CADM1: variants seen among roughly 807,000 people sequenced by gnomAD.
CADM1 encodes cell adhesion molecule 1, also known as TSLC-1.
A neutral mutation model predicts 53.1 loss-of-function variants in CADM1; 15 were observed. The ratio of observed to expected loss-of-function variants is 0.28; its 90% CI spans 0.19 to 0.44. The LOEUF (loss-of-function observed/expected upper bound fraction) is 0.44. Among genes scored for constraint, CADM1 ranks in the 20% least tolerant of loss-of-function variants. The probability of loss-of-function intolerance (pLI) is 1.00; values close to 1 mark genes in which losing one functional copy is unlikely to be tolerated. For missense variants in CADM1, 434 were observed against 611.3 expected, an observed-to-expected ratio of 0.71 and a Z score of 3.06; for synonymous variants, 281 against 243.0, an observed-to-expected ratio of 1.16 and a Z score of -1.45.
chr11:115,244,732 T>C (rs1293774399), intron 1 of CADM1, among the ~76,000 whole-genome samples: 1 of 152,150 alleles, frequency 6.6e-6, no homozygotes. Flanking sequence ...CCTTGGAAAA[T>C]GTACTTGTTT....
intron 10 of CADM1, among the ~76,000 whole-genome samples, chr11:115,182,472 G>A (rs1939356678): frequency 6.6e-6 from 1 of 152,178 alleles, no homozygotes; most frequent in Non-Finnish European, 1.5e-5. Flanking sequence ...GGTTATTCCA[G>A]CCTCAGTGAA....
At chr11:115,386,765 C>T (rs1017598534) in intron 1 of CADM1, among the ~76,000 whole-genome samples, 3 of 152,194 alleles carry the variant, frequency 2.0e-5, no homozygotes, top group Non-Finnish European at 2.9e-5. Context: ...TACTGCCTGC[C>T]ATACTGGGAA....
intron 1 of CADM1, among the ~76,000 whole-genome samples, chr11:115,390,394 G>A (rs573697892): frequency 3.4e-4 from 51 of 151,894 alleles, no homozygotes; most frequent in Non-Finnish European, 5.7e-4. Context: ...GGGAGGAGAG[G>A]GAGGAAGGGA....
intron 8 of CADM1, among the ~76,000 whole-genome samples, chr11:115,201,692 C>T (rs1212330362): frequency 6.6e-6 from 1 of 151,942 alleles, no homozygotes; most frequent in Non-Finnish European, 1.5e-5. Context: ...CTTTTTAAAA[C>T]CTCATCTTGC....
At chr11:115,316,013 G>A (rs1944658210) in intron 1 of CADM1, among the ~76,000 whole-genome samples, 2 of 152,086 alleles carry the variant, frequency 1.3e-5, no homozygotes, top group Admixed American at 1.3e-4. Context: ...CTGTAGACAG[G>A]CATCCTGCGA....
At chr11:115,473,379 G>A (rs964549757) in intron 1 of CADM1, among the ~76,000 whole-genome samples, 1 of 152,144 alleles carries the variant, frequency 6.6e-6, no homozygotes, top group Admixed American at 6.5e-5. Context: ...GGTTCACTTG[G>A]GCCCAGGAGT....
chr11:115,282,693 C>G (rs987647788), intron 1 of CADM1, among the ~76,000 whole-genome samples: 5 of 152,126 alleles, frequency 3.3e-5, no homozygotes, highest in African/African-American at 4.8e-5. Flanking sequence ...TCCATGGAGG[C>G]TGCATTTTGG....
At chr11:115,220,825 ACTGGCAC>A (rs1175177146) in intron 5 of CADM1, among the ~76,000 whole-genome samples, 1 of 152,216 alleles carries the variant, frequency 6.6e-6, no homozygotes, top group Non-Finnish European at 1.5e-5. Context: ...CTGGGATTCC[ACTGGCAC>A]CTCTAGAACT....
Position 115,169,603 on chromosome 11 carries a change from G to C in CADM1, c.*6871C>G, listed in dbSNP as rs746144916. ...AGCTGCCCTCATCACTTTATTCTGG[G>C]AGAGGAGGTTAGAGAAAACAGGCCT... On this transcript the variant is annotated 3_prime_UTR_variant, in exon 12 of 12. Transcript: ENST00000331581. 1 of 456,656 alleles carries C rather than the reference G, an allele frequency of 2.2e-6. No homozygotes were observed. Among genetic ancestry groups the C allele is most frequent in the East Asian group, 7.0e-5 (1 of 14,380 alleles). 28.3% of individuals were successfully genotyped at this position (456,656 alleles called of 1,614,324 possible).
intron 1 of CADM1, among the ~76,000 whole-genome samples, chr11:115,485,119 A>G (rs1157230265): frequency 1.3e-5 from 2 of 152,146 alleles, no homozygotes; most frequent in Non-Finnish European, 2.9e-5. Flanking sequence ...ATTCTTCTGC[A>G]CCTTGGTTAA....
chr11:115,368,256 C>T (rs1445025845), intron 1 of CADM1, among the ~76,000 whole-genome samples: 1 of 151,906 alleles, frequency 6.6e-6, no homozygotes, highest in East Asian at 1.9e-4. Flanking sequence ...GACAGTTTGT[C>T]ATAGATCCTG....
Position 115,364,040 on chromosome 11 carries a change from T to C in CADM1, c.125-123620A>G, listed in dbSNP as rs547770507. ...CATTTAGGTTTGATTAAATCCACTC[T>C]ATGATCCACAAAAAAAAAAAATCTA... On this transcript the variant is annotated intron_variant, in intron 1 of 11. Coordinates refer to ENST00000331581, the MANE Select transcript of CADM1 (RefSeq NM_001301043.2). 2.4e-4 allele frequency among the ~76,000 whole-genome samples: 36 copies of C among 151,982 alleles called. No homozygotes were observed. In the South Asian group the frequency reaches 7.3e-3, roughly 31 times the overall value.
chr11:115,311,375 A>G (rs1944528442), intron 1 of CADM1, among the ~76,000 whole-genome samples: 1 of 152,124 alleles, frequency 6.6e-6, no homozygotes, highest in Admixed American at 6.6e-5. Context: ...AAATATAATC[A>G]TCCCTCGGGG....
At chr11:115,309,082 G>A (rs947058106) in intron 1 of CADM1, among the ~76,000 whole-genome samples, 1 of 151,964 alleles carries the variant, frequency 6.6e-6, no homozygotes, top group African/African-American at 2.4e-5. Flanking sequence ...ATAATTTGGG[G>A]TTTCAATTTT....
intron 1 of CADM1, among the ~76,000 whole-genome samples, chr11:115,246,880 T>C (rs1032382255): frequency 1.1e-4 from 16 of 152,354 alleles, no homozygotes; most frequent in Admixed American, 1.0e-3. Context: ...ATTTAACATT[T>C]TATAATCAGT....
rs546483432 is a variant in CADM1 at position 115,203,229 on chromosome 11, C to T, written c.1079-4791G>A. On this transcript the variant is annotated intron_variant, in intron 8 of 11. Transcript: ENST00000331581. ...ACTAGTGCTGTTGTGCCCCTGAGAT[C>T]TTTTCATTTGCAAACCAGATGTTCT... Among the ~76,000 whole-genome samples the T allele has an allele frequency of 2.6e-5, 4 of 152,182 alleles. No homozygotes were observed. In the East Asian group the frequency reaches 7.7e-4, roughly 29 times the overall value.
chr11:115,355,497 A>C (rs187492943), intron 1 of CADM1, among the ~76,000 whole-genome samples: 3 of 152,240 alleles, frequency 2.0e-5, no homozygotes, highest in African/African-American at 7.2e-5. Flanking sequence ...TGAGGATCGG[A>C]AAAAATAACT....
chr11:115,308,194 G>GTATATATATATATATATATATATATA (rs560354243), intron 1 of CADM1, among the ~76,000 whole-genome samples: 5 of 123,968 alleles, frequency 4.0e-5, no homozygotes, highest in Admixed American at 2.5e-4. Flanking sequence ...TCATAGGTGT[G>GTATATATATATATATATATATATATA]TATATATATA....
At chr11:115,250,703 G>C (rs1942574692) in intron 1 of CADM1, among the ~76,000 whole-genome samples, 1 of 152,180 alleles carries the variant, frequency 6.6e-6, no homozygotes, top group Non-Finnish European at 1.5e-5. Flanking sequence ...TTCTATGCAA[G>C]GCGCTATGCT....
Sources: gnomAD v4.1 joint callset for allele counts (sites outside exome capture counted in the v4.1 genomes callset) on GRCh38, gnomAD v4.1.1 for gene constraint, MANE v1.5 for transcripts, NCBI Gene and HGNC (gene_info 2026-07-23, HGNC 2026-07-21) for gene names.